Variants in PLXDC2 observed in about 807,000 individuals in gnomAD.
PLXDC2 encodes plexin domain-containing protein 2.
In PLXDC2, 40 loss-of-function variants were observed where a neutral mutation model predicts 68.9. The observed-to-expected ratio is 0.58, with a 90% confidence interval of 0.45 to 0.76. The LOEUF (loss-of-function observed/expected upper bound fraction) is 0.76, where lower values mean the gene tolerates loss of function less well. Ranked by LOEUF, PLXDC2 falls within the 30% of genes least tolerant of loss-of-function variation. PLXDC2 has a pLI of 0.00. For synonymous variants in PLXDC2, 243 were observed against 234.2 expected (o/e 1.04, Z -0.34); for missense variants, 644 against 661.9 (o/e 0.97, Z 0.30).
chr10:20,273,844 T>A (rs1448866911), intron 13 of PLXDC2, among the ~76,000 whole-genome samples: 2 of 152,144 alleles, frequency 1.3e-5, no homozygotes, highest in Non-Finnish European at 2.9e-5. Flanking sequence ...TGGTGAAACC[T>A]GTCTCTACTA....
chr10:19,911,769 A>AT (rs1833274620), intron 1 of PLXDC2, among the ~76,000 whole-genome samples: 1 of 152,176 alleles, frequency 6.6e-6, no homozygotes, highest in African/African-American at 2.4e-5. Context: ...AGTCTTTTCT[A>AT]TTTTTAGTTC....
At chr10:19,837,351 A>G (rs1836813531) in intron 1 of PLXDC2, among the ~76,000 whole-genome samples, 1 of 151,490 alleles carries the variant, frequency 6.6e-6, no homozygotes, top group Admixed American at 6.6e-5. Context: ...TCTCTTAGTA[A>G]TTGCAACATT....
intron 1 of PLXDC2, among the ~76,000 whole-genome samples, chr10:19,884,034 G>A (rs1296749554): frequency 1.3e-5 from 2 of 150,250 alleles, no homozygotes; most frequent in African/African-American, 4.9e-5. Context: ...CAGGGCTACA[G>A]GTGTGCACCA....
At chr10:20,091,699 T>G (rs1169113060) in intron 4 of PLXDC2, 1 of 152,174 alleles carries the variant, frequency 6.6e-6, no homozygotes, top group Non-Finnish European at 1.5e-5. Flanking sequence ...TTTAAAATCT[T>G]TAAGTCTGCG....
intron 5 of PLXDC2, 29 bp from the exon 6 acceptor site, chr10:20,147,755 C>T: frequency 7.3e-7 from 1 of 1,364,202 alleles, no homozygotes; most frequent in Non-Finnish European, 1.0e-6. Context: ...TTTCTCATTG[C>T]ATTTCTTCTT....
At chr10:19,818,684 A>G (rs1038753842) in intron 1 of PLXDC2, among the ~76,000 whole-genome samples, 2 of 152,192 alleles carry the variant, frequency 1.3e-5, no homozygotes, top group Non-Finnish European at 2.9e-5. Flanking sequence ...GATTTATGAC[A>G]GTAGACTATG....
chr10:20,255,442 A>G (rs1169078984), intron 13 of PLXDC2, among the ~76,000 whole-genome samples: 1 of 152,184 alleles, frequency 6.6e-6, no homozygotes, highest in East Asian at 1.9e-4. Flanking sequence ...CTTCCTTGTG[A>G]CATTGGTTAA....
chr10:19,960,342 T>G (rs1834136756), intron 1 of PLXDC2, among the ~76,000 whole-genome samples: 1 of 151,966 alleles, frequency 6.6e-6, no homozygotes, highest in African/African-American at 2.4e-5. Flanking sequence ...CCAGCTTGGG[T>G]GACTGAGTGA....
In PLXDC2 at chr10:20,171,068, A is replaced by T. The variant is rs9629910; in HGVS notation, c.884-5931A>T. On this transcript the variant is annotated intron_variant, in intron 7 of 13. Transcript: ENST00000377252. The stretch of plus-strand genomic sequence containing the variant: ...CCATAGAAAACAATTTGCAATTTTG[A>T]TTTAGTGGTAGGACACATTCACTAT... Among the ~76,000 whole-genome samples the T allele has an allele frequency of 8.4e-3, 1,285 of 152,268 alleles. 18 individuals are homozygous for T. Among genetic ancestry groups the T allele is most frequent in the African/African-American group, 0.029 (1,203 of 41,554 alleles).
rs577450306 is a variant in PLXDC2 at position 20,139,357 on chromosome 10, C to T, written c.542-3938C>T. ...TAAATGAAGGTGTCTTTCTCAGTCC[C>T]AAATTATCTGCATAAATGACCACTT... On this transcript the variant is annotated intron_variant, in intron 4 of 13. Coordinates refer to ENST00000377252, the MANE Select transcript of PLXDC2 (RefSeq NM_032812.9). Among the ~76,000 whole-genome samples the T allele has an allele frequency of 2.0e-5, 3 of 152,316 alleles. No homozygotes were observed. The South Asian group carries it at 6.2e-4, about 32-fold the overall frequency.
intron 12 of PLXDC2, among the ~76,000 whole-genome samples, chr10:20,236,388 T>C (rs1403986069): frequency 6.6e-6 from 1 of 151,414 alleles, no homozygotes; most frequent in African/African-American, 2.4e-5. Flanking sequence ...GAGGTTGCAG[T>C]GAGCCGAGAT....
intron 9 of PLXDC2, among the ~76,000 whole-genome samples, chr10:20,207,114 C>T (rs1358968740): frequency 1.3e-5 from 2 of 152,120 alleles, no homozygotes; most frequent in African/African-American, 2.4e-5. Flanking sequence ...CTATATGCCA[C>T]AAAAAGTATG....
At chr10:19,984,067 TC>T (rs142908008) in intron 1 of PLXDC2, among the ~76,000 whole-genome samples, 173 of 152,322 alleles carry the variant, frequency 1.1e-3, no homozygotes, top group African/African-American at 3.9e-3. Context: ...CGTCGAAGTG[TC>T]AGGCAAGAAA....
At chr10:20,047,456 A>G (rs549807230) in intron 3 of PLXDC2, among the ~76,000 whole-genome samples, 157 of 152,274 alleles carry the variant, frequency 1.0e-3, no homozygotes, top group African/African-American at 3.7e-3. Context: ...TGACTTAGAT[A>G]ACATATATAG....
At chr10:19,982,146 A>G (rs377546008) in intron 1 of PLXDC2, among the ~76,000 whole-genome samples, 11 of 152,376 alleles carry the variant, frequency 7.2e-5, no homozygotes, top group African/African-American at 2.6e-4. Context: ...GAGTAAATGC[A>G]TTCATTTTTC....
chr10:20,034,395 A>G (rs1377533435), intron 2 of PLXDC2, among the ~76,000 whole-genome samples: 1 of 152,200 alleles, frequency 6.6e-6, no homozygotes, highest in Non-Finnish European at 1.5e-5. Flanking sequence ...AATATATGCT[A>G]TTAATGTTCA....
At chr10:20,199,200 T>C (rs1834884728) in intron 9 of PLXDC2, among the ~76,000 whole-genome samples, 1 of 152,030 alleles carries the variant, frequency 6.6e-6, no homozygotes, top group Non-Finnish European at 1.5e-5. Context: ...TCTTGACAGA[T>C]GGAAAAAATA....
At chr10:19,951,307 C>T (rs965735210) in intron 1 of PLXDC2, among the ~76,000 whole-genome samples, 1 of 151,872 alleles carries the variant, frequency 6.6e-6, no homozygotes, top group African/African-American at 2.4e-5. Context: ...CAAAGCAACC[C>T]CATTAAAAAG....
intron 1 of PLXDC2, among the ~76,000 whole-genome samples, chr10:19,892,736 C>T (rs1380022995): frequency 1.3e-5 from 2 of 152,068 alleles, no homozygotes; most frequent in Admixed American, 6.6e-5. Flanking sequence ...AAACCATTCC[C>T]GTATTTGATG....
Sources: gnomAD v4.1 joint callset for allele counts (sites outside exome capture counted in the v4.1 genomes callset) on GRCh38, gnomAD v4.1.1 for gene constraint, MANE v1.5 for transcripts, NCBI Gene and HGNC (gene_info 2026-07-23, HGNC 2026-07-21) for gene names.